UNC13A: variants seen among roughly 807,000 people sequenced by gnomAD.
UNC13A encodes unc-13 homolog A.
Under a neutral mutation model 219.7 loss-of-function variants are expected in UNC13A, and 61 were observed. The ratio of observed to expected loss-of-function variants is 0.28; its 90% confidence interval spans 0.23 to 0.34. The LOEUF is 0.34. UNC13A is among the 10% of genes least tolerant of loss of function. The probability of loss-of-function intolerance (pLI) is 1.00; values close to 1 mark genes in which losing one functional copy is unlikely to be tolerated. For missense variants in UNC13A, 1,476 were observed against 2,270.3 expected (o/e 0.65, Z 7.11); for synonymous variants, 920 against 884.6 (o/e 1.04, Z -0.71).
intron 12 of UNC13A, among the ~76,000 whole-genome samples, chr19:17,650,745 T>C (rs1365642589): frequency 6.6e-6 from 1 of 151,716 alleles, no homozygotes; most frequent in Non-Finnish European, 1.5e-5. Context: ...CCCAAAGTGC[T>C]GAGATTACAG....
At chr19:17,648,374 C>A (rs2145069730) in intron 16 of UNC13A, 57 bp downstream of exon 16, 1 of 1,402,538 alleles carries the variant, frequency 7.1e-7, no homozygotes, top group Non-Finnish European at 9.3e-7. Context: ...CCCCGCCATG[C>A]AAGCCCCGGG....
Position 17,606,244 on chromosome 19 carries a change from C to A in UNC13A, c.4922G>T (p.Arg1641Leu). 1.3e-6 allele frequency: 2 copies of A among 1,548,520 alleles called. No individual in the cohort carries two copies. Among genetic ancestry groups the A allele is most frequent in the Non-Finnish European group, 1.7e-6 (2 of 1,146,820 alleles). Residue 1641 changes from arginine to leucine, a missense_variant, in exon 44 of 44, where the codon CGT becomes CTT. Around this residue, in one of 14 missense-constraint regions of UNC13A, gnomAD observed 187 missense variants for 172.3 expected, o/e 1.09. Coordinates refer to ENST00000519716, the MANE Select transcript of UNC13A (RefSeq NM_001080421.3). ...RTVGLAVLQL[R>L]ELAQRGSAAC... Reference sequence around the variant, plus strand: ...GGCGCTCCCGCGCTGGGCCAGCTCACGCAGCTGCAGCACGGCCAGCCCCAC... The same window carrying A: ...GGCGCTCCCGCGCTGGGCCAGCTCAAGCAGCTGCAGCACGGCCAGCCCCAC...
intron 8 of UNC13A, among the ~76,000 whole-genome samples, chr19:17,659,353 G>C (rs1227131373): frequency 6.6e-6 from 1 of 152,140 alleles, no homozygotes; most frequent in Admixed American, 6.6e-5. Flanking sequence ...TGAGGCAGGA[G>C]AATCTCTGGA....
intron 25 of UNC13A, among the ~76,000 whole-genome samples, chr19:17,638,541 G>A (rs1331379008): frequency 6.6e-6 from 1 of 151,960 alleles, no homozygotes; most frequent in East Asian, 1.9e-4. Context: ...AAATTTTTAT[G>A]CCAGGCTGGG....
intron 11 of UNC13A, among the ~76,000 whole-genome samples, chr19:17,653,447 A>C (rs958428325): frequency 6.6e-6 from 1 of 151,756 alleles, no homozygotes; most frequent in African/African-American, 2.4e-5. Flanking sequence ...TCCTGGGTTC[A>C]AGCGATTCTC....
chr19:17,669,830 T>G lies in UNC13A; in HGVS notation c.271-154A>C, dbSNP rs143918598. On this transcript the variant is annotated intron_variant, in intron 4 of 43. Transcript: ENST00000519716. ...TTCCTTCCGTCCTTCCTTCCTTCCC[T>G]TCCTTCCTTCCCTCCCTCCCTCCCT... is the stretch of plus-strand genomic sequence containing the variant. 4.0e-4 allele frequency among the ~76,000 whole-genome samples: 61 copies of G among 150,868 alleles called. No individual in the cohort carries two copies. In the East Asian group the frequency reaches 0.01, roughly 25 times the overall value.
chr19:17,630,110 G>A, intron 30 of UNC13A, 35 bp downstream of exon 30: 1 of 1,548,988 alleles, frequency 6.5e-7, no homozygotes, highest in Non-Finnish European at 8.7e-7. Context: ...CCCTGACCCT[G>A]TCCCCTAGCC....
intron 6 of UNC13A, 78 bp from the exon 7 acceptor site, chr19:17,666,782 G>C: frequency 8.6e-7 from 1 of 1,168,164 alleles, no homozygotes; most frequent in Non-Finnish European, 1.1e-6. Flanking sequence ...CCTCTGTTCT[G>C]TCCCATCCCG....
At chr19:17,633,322 G>A in intron 26 of UNC13A, 129 bp from the exon 27 acceptor site, 1 of 763,462 alleles carries the variant, frequency 1.3e-6, no homozygotes, top group South Asian at 1.7e-5. Flanking sequence ...TTCCCTCATA[G>A]CCACTGCTGA....
chr19:17,666,899 AGAGAGAGAGAGAAAGACAG>A (rs2145894186), intron 6 of UNC13A, among the ~76,000 whole-genome samples, 195 bp from the exon 7 acceptor site: 3 of 74,684 alleles, frequency 4.0e-5, no homozygotes, highest in South Asian at 8.4e-4. Context: ...AGAGAGAGAG[AGAGAGAGAGAGAAAGACAG>A]AGACAGAGAC....
intron 9 of UNC13A, among the ~76,000 whole-genome samples, chr19:17,656,655 C>G (rs2079460336): frequency 1.3e-5 from 2 of 152,048 alleles, no homozygotes; most frequent in Admixed American, 6.5e-5. Context: ...AGTTCAAGAC[C>G]AGCCTGGCCA....
Position 17,676,003 on chromosome 19 carries a change from GCC to G in UNC13A, c.52+7_52+8del. The G allele has an allele frequency of 1.9e-6, 3 of 1,551,424 alleles. No homozygotes were observed. Among genetic ancestry groups the G allele is most frequent in the Non-Finnish European group, 2.6e-6 (3 of 1,146,950 alleles). ...AACACGGGACAGGACAGCAAGAGAA[GCC>G]ACTTACCTTGGGCACCATCAAACTT... On this transcript the variant is annotated splice_region_variant and intron_variant, in intron 2 of 43. Coordinates refer to ENST00000519716, the MANE Select transcript of UNC13A (RefSeq NM_001080421.3).
intron 26 of UNC13A, among the ~76,000 whole-genome samples, chr19:17,634,858 T>C (rs889076749): frequency 2.0e-5 from 3 of 150,816 alleles, no homozygotes; most frequent in Non-Finnish European, 4.4e-5. Flanking sequence ...CCACGCCCGG[T>C]TAATTTTTGT....
intron 25 of UNC13A, among the ~76,000 whole-genome samples, chr19:17,638,687 G>C (rs1184924458): frequency 6.6e-6 from 1 of 151,878 alleles, no homozygotes; most frequent in South Asian, 2.1e-4. Context: ...AAATTAACTA[G>C]GTGTGGTGGT....
rs367690310 is a variant in UNC13A at position 17,658,191 on chromosome 19, T to C, written c.638A>G (p.Tyr213Cys). Reference sequence around the variant, plus strand: ...GGCGTTGGGTTGTGACGTAGTATAATAGGGCGGCGGGATGCTGTTGCTCGT... The same window carrying C: ...GGCGTTGGGTTGTGACGTAGTATAACAGGGCGGCGGGATGCTGTTGCTCGT... ...SETSNSIPPP[Y>C]YTTSQPNASV... Residue 213 changes from tyrosine (Y) to cysteine (C), a missense_variant, in exon 9 of 44, where the codon TAT becomes TGT. Coordinates refer to ENST00000519716, the MANE Select transcript of UNC13A (RefSeq NM_001080421.3). 1 of 1,613,914 alleles carries C rather than the reference T, an allele frequency of 6.2e-7. No individual in the cohort carries two copies. The highest frequency in any genetic ancestry group is 1.1e-5 in the South Asian group (1 of 91,074).
At chr19:17,629,764 AC>A (rs1439285133) in intron 30 of UNC13A, among the ~76,000 whole-genome samples, 2 of 151,864 alleles carry the variant, frequency 1.3e-5, no homozygotes, top group Non-Finnish European at 2.9e-5. Context: ...CCAAATCAAG[AC>A]CCAGCACAGC....
At chr19:17,680,158 G>A (rs1334305845) in intron 1 of UNC13A, among the ~76,000 whole-genome samples, 1 of 151,868 alleles carries the variant, frequency 6.6e-6, no homozygotes, top group Admixed American at 6.6e-5. Flanking sequence ...GCAGAGGGGA[G>A]GGTGGTATCG....
intron 5 of UNC13A, among the ~76,000 whole-genome samples, chr19:17,668,599 G>C (rs190772669): frequency 6.6e-6 from 1 of 152,214 alleles, no homozygotes; most frequent in Admixed American, 6.5e-5. Flanking sequence ...CGATTCTCCT[G>C]CCTCAGCCTC....
chr19:17,669,856 G>T, intron 4 of UNC13A, among the ~76,000 whole-genome samples, 180 bp from the exon 5 acceptor site: 2 of 130,300 alleles, frequency 1.5e-5, no homozygotes, highest in Admixed American at 8.6e-5. Flanking sequence ...CTCCCTCCCT[G>T]CTTCCTTCCT....
Sources: allele counts gnomAD v4.1 joint callset (sites outside exome capture counted in the v4.1 genomes callset), GRCh38; gene constraint gnomAD v4.1.1; regional missense constraint gnomAD v4.1.1; transcripts MANE v1.5; gene names NCBI Gene and HGNC (gene_info 2026-07-23, HGNC 2026-07-21).